MUC5B: variants seen among roughly 807,000 people sequenced by gnomAD.
MUC5B encodes the protein mucin-5B.
In MUC5B, 116 loss-of-function variants were observed where a neutral mutation model predicts 376.9. The observed-to-expected ratio is 0.31, with a 90% CI of 0.26 to 0.36. MUC5B has a LOEUF of 0.36. MUC5B is among the 10% of genes least tolerant of loss of function. The pLI is 1.00. For synonymous variants in MUC5B, 3,517 were observed against 3,390.9 expected, an observed-to-expected ratio of 1.04 and a Z score of -1.29; for missense variants, 7,165 against 7,769.9, an observed-to-expected ratio of 0.92 and a Z score of 2.93.
intron 15 of MUC5B, 118 bp downstream of exon 15, chr11:1,232,278 G>A: frequency 7.3e-7 from 1 of 1,363,180 alleles, no homozygotes; most frequent in Admixed American, 2.3e-5. Context: ...AGGCAGGTGG[G>A]AGGCATCAGG....
rs778819023 is a variant in MUC5B at position 1,245,836 on chromosome 11, A to G, written c.8956A>G (p.Thr2986Ala). 1.9e-6 allele frequency: 3 copies of G among 1,613,002 alleles called. No individual in the cohort carries two copies. Among genetic ancestry groups the G allele is most frequent in the East Asian group, 4.5e-5 (2 of 44,834 alleles). Reference protein sequence around the residue: ...ATSSTATPSSTPGTTWILTEQ... With the variant: ...ATSSTATPSSAPGTTWILTEQ... ...CAGCTCTACGGCCACGCCCTCCTCC[A>G]CTCCAGGGACGACCTGGATCCTCAC... The change falls in exon 31 of 49, where the codon ACT becomes GCT. Residue 2986 changes from threonine (T) to alanine (A), a missense_variant. Thr to Ala is a moderately conservative substitution (Grantham distance 58). Coordinates refer to ENST00000529681, the MANE Select transcript of MUC5B (RefSeq NM_002458.3).
chr11:1,243,565 G>A lies in MUC5B; in HGVS notation c.6685G>A (p.Glu2229Lys), dbSNP rs200138247. Residue 2229 changes from glutamate (E) to lysine (K), a missense_variant, in exon 31 of 49, where the codon GAG becomes AAG. Physicochemically the swap from Glu to Lys is moderately conservative, Grantham distance 56. Coordinates refer to ENST00000529681, the MANE Select transcript of MUC5B (RefSeq NM_002458.3). ...CATCTTGGGCACCACCCACATCACA[G>A]AGCCTTCCACGGTGACTTCCCACAC... ...SGILGTTHIT[E>K]PSTVTSHTLA... The A allele has an allele frequency of 3.7e-6, 6 of 1,607,788 alleles. No individual in the cohort carries two copies. The highest frequency in any genetic ancestry group is 5.1e-6 in the Non-Finnish European group (6 of 1,178,272).
Position 1,227,752 on chromosome 11 carries a change from C to T in MUC5B, c.745C>T (p.Pro249Ser). Residue 249 changes from proline (P) to serine (S), a missense_variant, in exon 7 of 49, where the codon CCC (proline) becomes TCC (serine). By Grantham distance (74) the Pro-to-Ser change is moderately conservative (BLOSUM62 -1). Around this residue, in one of 31 missense-constraint regions of MUC5B, gnomAD observed 640 missense variants for 733.0 expected, o/e 0.87. Coordinates refer to ENST00000529681, the MANE Select transcript of MUC5B (RefSeq NM_002458.3). ...GPTEQCPDPL[P>S]LPAGNCTDEE... ...CACGGAGCAGTGCCCGGACCCGCTG[C>T]CCTTGCCGGCCGGCAACTGCACGGA... is the stretch of plus-strand genomic sequence containing the variant. The T allele has an allele frequency of 1.4e-6, 1 of 719,176 alleles. No individual in the cohort carries two copies. The highest frequency in any genetic ancestry group is 2.6e-6 in the Non-Finnish European group (1 of 385,964). 44.5% of individuals were successfully genotyped at this position (719,176 alleles called of 1,614,324 possible).
rs1244881969 is a variant in MUC5B, at chr11:1,248,714, C to G, written c.11834C>G (p.Pro3945Arg). Reference sequence around the variant, plus strand: ...AGCACACAGACCAGTGGTACTCCCCCATCACTGATCACCACGGCCACTACG... The same window carrying G: ...AGCACACAGACCAGTGGTACTCCCCGATCACTGATCACCACGGCCACTACG... ...SSSTQTSGTP[P>R]SLITTATTIT... The change falls in exon 31 of 49, where the codon CCA becomes CGA. Residue 3945 changes from proline (P) to arginine (R), a missense_variant. Pro to Arg is a moderately radical substitution (Grantham distance 103). This residue lies in a region of MUC5B where 242 missense variants were observed against 199.0 expected (regional missense o/e 1.22). Coordinates refer to ENST00000529681, the MANE Select transcript of MUC5B (RefSeq NM_002458.3). 6.4e-7 allele frequency: 1 copy of G among 1,569,310 alleles called. No homozygotes were observed. Among genetic ancestry groups the G allele is most frequent in the Middle Eastern group, 1.7e-4 (1 of 5,990 alleles).
rs772395179 is a variant in MUC5B at position 1,234,352 on chromosome 11, CT to C, written c.2478+50del. The C allele has an allele frequency of 1.3e-6, 2 of 1,535,578 alleles. No individual in the cohort carries two copies. The highest frequency in any genetic ancestry group is 1.8e-6 in the Non-Finnish European group (2 of 1,129,406). On this transcript the variant is annotated intron_variant, in intron 20 of 48. Coordinates refer to ENST00000529681, the MANE Select transcript of MUC5B (RefSeq NM_002458.3). The surrounding 1 kb of genome is among the most constrained non-coding windows in gnomAD (Gnocchi z 6.3). ...GGGGTGGGCAGGGAAGGGGTCCCAG[CT>C]TTCCCAGCTCCCGAGCCCAGGGATC... is the stretch of plus-strand genomic sequence containing the variant.
intron 18 of MUC5B, 138 bp from the exon 19 acceptor site, chr11:1,233,655 A>T: frequency 1.2e-6 from 1 of 808,960 alleles, no homozygotes; most frequent in Non-Finnish European, 2.0e-6. Flanking sequence ...CAGCAAACAC[A>T]GCAGCAGGCA....
At chr11:1,237,298 G>C in intron 25 of MUC5B, 134 bp downstream of exon 25, 1 of 1,152,712 alleles carries the variant, frequency 8.7e-7, no homozygotes, top group Non-Finnish European at 1.1e-6. Context: ...CACAGTCCTG[G>C]ATGTCAGGTC....
chr11:1,255,306 C>A, intron 36 of MUC5B, 40 bp downstream of exon 36: 1 of 1,507,880 alleles, frequency 6.6e-7, no homozygotes, highest in African/African-American at 1.4e-5. Flanking sequence ...CTGGGGCGCC[C>A]CCGCCCGCCC....
intron 2 of MUC5B, 64 bp from the exon 3 acceptor site, chr11:1,226,141 G>T: frequency 1.4e-6 from 2 of 1,473,438 alleles, no homozygotes. Flanking sequence ...GGTGGGCCCC[G>T]GGGAGGGTGT....
In MUC5B at chr11:1,247,124, T is replaced by A. The variant is rs373522393; in HGVS notation, c.10244T>A (p.Ile3415Asn). ...NPSSTPGTTPIPPVLTTTATT... is the reference protein window; with the variant it reads ...NPSSTPGTTPNPPVLTTTATT... ...TCCTCAACTCCAGGGACAACTCCCATCCCCCCAGTGCTGACCACCACCGCC... is the reference window on the plus strand; with the variant it reads ...TCCTCAACTCCAGGGACAACTCCCAACCCCCCAGTGCTGACCACCACCGCC... The change falls in exon 31 of 49, where the codon ATC becomes AAC. Residue 3415 changes from isoleucine (I) to asparagine (N), a missense_variant. Physicochemically the swap from Ile to Asn is moderately radical, Grantham distance 149. Transcript: ENST00000529681. The A allele has an allele frequency of 1.3e-6, 2 of 1,559,820 alleles. No individual in the cohort carries two copies. Among genetic ancestry groups the A allele is most frequent in the South Asian group, 1.2e-5 (1 of 86,300 alleles).
At position 1,244,232 on chromosome 11, in the gene MUC5B, C is replaced by A; in HGVS notation, c.7352C>A (p.Ser2451Tyr). The change falls in exon 31 of 49, where the codon TCC (serine) becomes TAC (tyrosine). Residue 2451 changes from serine (S) to tyrosine (Y), a missense_variant. Transcript: ENST00000529681. ...GCCACTACGACTGAGTCCACTGGAT[C>A]CACGGCCACCCCGTCCTCCACCCCA... The part of the protein sequence containing the change: ...TTATTTESTG[S>Y]TATPSSTPGT... The A allele has an allele frequency of 6.2e-7, 1 of 1,612,192 alleles. No individual in the cohort carries two copies. Among genetic ancestry groups the A allele is most frequent in the Non-Finnish European group, 8.5e-7 (1 of 1,178,888 alleles).
chr11:1,250,404 A>G lies in MUC5B; in HGVS notation c.13524A>G (p.Pro4508=), dbSNP rs1194233860. Residue 4508 remains proline (P), a synonymous_variant, in exon 31 of 49, where the codon CCA becomes CCG. Transcript: ENST00000529681. ...GTCCAGGGACTGCAACTGCCCTTCC[A>G]GCACTGAGAAGCACAGCCACCACAC... The part of the protein sequence containing the change: ...SSSPGTATAL[P]ALRSTATTPT... 6.2e-7 allele frequency: 1 copy of G among 1,612,916 alleles called. No homozygotes were observed. The highest frequency in any genetic ancestry group is 1.3e-5 in the African/African-American group (1 of 74,704).
At position 1,226,601 on chromosome 11, in the gene MUC5B, C is replaced by T. The variant is rs777490602; in HGVS notation, c.200-14C>T. The T allele has an allele frequency of 2.7e-5, 44 of 1,600,936 alleles. No individual in the cohort carries two copies. Among genetic ancestry groups the T allele is most frequent in the African/African-American group, 2.4e-4 (18 of 74,628 alleles). On this transcript the variant is annotated splice_polypyrimidine_tract_variant and intron_variant, in intron 3 of 48. Coordinates refer to ENST00000529681, the MANE Select transcript of MUC5B (RefSeq NM_002458.3). ...GCTGGCATGGGGATGGGCCTCATCC[C>T]GCGCTCCCCACAGCCCTGAACCCGG...
At chr11:1,238,823 CG>C (rs772590492) in intron 25 of MUC5B, 47 bp from the exon 26 acceptor site, 3 of 1,530,440 alleles carry the variant, frequency 2.0e-6, no homozygotes, top group Non-Finnish European at 2.7e-6. Flanking sequence ...ACCCCCTGGC[CG>C]GGGGGGCCAT....
rs537100664 is a variant in MUC5B at position 1,224,971 on chromosome 11, C to T, written c.71-710C>T. On this transcript the variant is annotated intron_variant, in intron 1 of 48. Coordinates refer to ENST00000529681, the MANE Select transcript of MUC5B (RefSeq NM_002458.3). Reference sequence around the variant, plus strand: ...CAACCCAAACTGGGCAGACAATGGCCGGGGGTCCTCAGAGTCCTGTGGGTT... The same window carrying T: ...CAACCCAAACTGGGCAGACAATGGCTGGGGGTCCTCAGAGTCCTGTGGGTT... 8.9e-4 allele frequency among the ~76,000 whole-genome samples: 136 copies of T among 152,286 alleles called. No individual in the cohort carries two copies. In the Middle Eastern group the frequency reaches 0.017, roughly 19 times the overall value.
At chr11:1,233,327 TCCCCGAAGGCTTCTGTGCCTCC>T in intron 18 of MUC5B, 59 bp downstream of exon 18, 2 of 1,449,784 alleles carry the variant, frequency 1.4e-6, no homozygotes, top group East Asian at 5.0e-5. Flanking sequence ...CTTCCCGCCC[TCCCCGAAGGCTTCTGTGCCTCC>T]CCCCGAGGGT....
At chr11:1,224,294 G>A (rs898276519) in intron 1 of MUC5B, among the ~76,000 whole-genome samples, 1 of 152,104 alleles carries the variant, frequency 6.6e-6, no homozygotes, top group African/African-American at 2.4e-5. Context: ...GCCGGGGAAG[G>A]CAGCCCTGCA....
At position 1,252,920 on chromosome 11, in the gene MUC5B, C is replaced by T. The variant is rs778183819; in HGVS notation, c.15157C>T (p.His5053Tyr). The change falls in exon 33 of 49, where the codon CAC (histidine) becomes TAC (tyrosine). Residue 5053 changes from histidine (H) to tyrosine (Y), a missense_variant. His to Tyr is a moderately conservative substitution (Grantham distance 83). Around this residue, in one of 31 missense-constraint regions of MUC5B, gnomAD observed 842 missense variants for 1,016.9 expected, o/e 0.83. Transcript: ENST00000529681. ...PVANVTCVNKHLPIKVSDPSQ... is the reference protein window; with the variant it reads ...PVANVTCVNKYLPIKVSDPSQ... The stretch of plus-strand genomic sequence containing the variant: ...GGCCAACGTCACCTGCGTGAACAAG[C>T]ACCTGCCCATCAAAGTGTCGGACCC... 2 of 1,612,580 alleles carry T rather than the reference C, an allele frequency of 1.2e-6. No homozygotes were observed. Among genetic ancestry groups the T allele is most frequent in the Non-Finnish European group, 1.7e-6 (2 of 1,179,884 alleles).
chr11:1,246,094 T>C lies in MUC5B; in HGVS notation c.9214T>C (p.Phe3072Leu). 1 of 1,610,854 alleles carries C rather than the reference T, an allele frequency of 6.2e-7. No individual in the cohort carries two copies. The highest frequency in any genetic ancestry group is 1.4e-5 in the African/African-American group (1 of 73,882). ...TACCAGCTTTACACCCATCCCCTCC[T>C]TCACCCTTGGGACCACCGGGACCCT... ...TATSFTPIPS[F>L]TLGTTGTLPE... Residue 3072 changes from phenylalanine to leucine, a missense_variant, in exon 31 of 49, where the codon TTC (phenylalanine) becomes CTC (leucine). Phe to Leu is a conservative substitution (Grantham distance 22, BLOSUM62 0). Transcript: ENST00000529681.
Sources: allele counts gnomAD v4.1 joint callset (sites outside exome capture counted in the v4.1 genomes callset), GRCh38; gene constraint gnomAD v4.1.1; regional missense constraint gnomAD v4.1.1; non-coding constraint Gnocchi (gnomAD v3.1); transcripts MANE v1.5; gene names NCBI Gene and HGNC (gene_info 2026-07-23, HGNC 2026-07-21).